OR3A2: variants seen among roughly 807,000 people sequenced by gnomAD.
OR3A2 encodes olfactory receptor family 3 subfamily A member 2, also known as olfactory receptor 3A2.
For synonymous variants in OR3A2, 126 were observed against 159.3 expected, an observed-to-expected ratio of 0.79 and a Z score of 1.57; for missense variants, 318 against 392.8, an observed-to-expected ratio of 0.81 and a Z score of 1.61.
chr17:3,375,814 C>G (rs2049678373), intron 2 of OR3A2, among the ~76,000 whole-genome samples: 1 of 152,188 alleles, frequency 6.6e-6, no homozygotes, highest in Non-Finnish European at 1.5e-5. Flanking sequence ...TGCTCTCCCC[C>G]TTCCCCTAGA....
chr17:3,365,273 G>A (rs760350441), intron 2 of OR3A2, among the ~76,000 whole-genome samples: 5 of 152,196 alleles, frequency 3.3e-5, no homozygotes, highest in Non-Finnish European at 5.9e-5. Flanking sequence ...ATACAACAGA[G>A]ATAAACATAA....
At chr17:3,363,937 TCAATATCATGAGAACAG>T (rs1348740457) in intron 2 of OR3A2, among the ~76,000 whole-genome samples, 4 of 152,082 alleles carry the variant, frequency 2.6e-5, no homozygotes, top group Non-Finnish European at 4.4e-5. Context: ...GAGAACTCAC[TCAATATCATGAGAACAG>T]CAAGGGGAAA....
intron 3 of OR3A2, among the ~76,000 whole-genome samples, chr17:3,293,912 T>C (rs2150623026): frequency 6.6e-6 from 1 of 152,106 alleles, no homozygotes; most frequent in African/African-American, 2.4e-5. Flanking sequence ...ACAATGAGAA[T>C]ACATGTACAC....
chr17:3,365,090 T>C (rs899192726), intron 2 of OR3A2, among the ~76,000 whole-genome samples: 1 of 152,148 alleles, frequency 6.6e-6, no homozygotes, highest in Non-Finnish European at 1.5e-5. Context: ...CCTTTGATCA[T>C]AACAAACTCC....
rs1567550578 is a variant in OR3A2 at position 3,311,073 on chromosome 17, T to C, written c.-85+24960A>G. Reference sequence around the variant, plus strand: ...CCACCTCACTGTGGTGGGCATCTTCTATGGGACGGGCGTCTTCAGCTACAC... The same window carrying C: ...CCACCTCACTGTGGTGGGCATCTTCCATGGGACGGGCGTCTTCAGCTACAC... On this transcript the variant is annotated intron_variant, in intron 3 of 4. Coordinates refer to the OR3A2 transcript ENST00000573491. This position sits in a 1 kb window ranked among gnomAD's most constrained non-coding sequence, Gnocchi z 4.6. The C allele has an allele frequency of 3.7e-6, 2 of 545,350 alleles. No individual in the cohort carries two copies. Among genetic ancestry groups the C allele is most frequent in the African/African-American group, 1.9e-5 (1 of 52,206 alleles). 33.8% of individuals were successfully genotyped at this position (545,350 alleles called of 1,614,324 possible). A position where few individuals can be genotyped will look rare whatever the true frequency, so the allele number is the denominator to read the frequency against.
intron 3 of OR3A2, among the ~76,000 whole-genome samples, chr17:3,320,420 T>G (rs1284444282): frequency 7.1e-6 from 1 of 141,680 alleles, no homozygotes; most frequent in Non-Finnish European, 1.5e-5. Context: ...TTGTTGCCAT[T>G]GCTTTTGGTG....
chr17:3,362,650 T>C (rs1271000460), intron 2 of OR3A2, among the ~76,000 whole-genome samples: 2 of 151,786 alleles, frequency 1.3e-5, no homozygotes, highest in African/African-American at 4.9e-5. Context: ...AGAACATCTT[T>C]ATTTCTGCCT....
upstream of OR3A2, among the ~76,000 whole-genome samples, chr17:3,287,718 T>C (rs951474913): frequency 5.3e-5 from 8 of 152,154 alleles, no homozygotes; most frequent in African/African-American, 7.2e-5. Flanking sequence ...CCATGTTTGA[T>C]AGGTAATTCT....
chr17:3,298,724 G>A (rs367576568), intron 3 of OR3A2, among the ~76,000 whole-genome samples: 79 of 152,312 alleles, frequency 5.2e-4, no homozygotes, highest in Non-Finnish European at 7.9e-4. Flanking sequence ...TCCTCACCTC[G>A]TTGTGGATAC....
Position 3,380,872 on chromosome 17 carries a change from G to T in OR3A2, c.-179+2932C>A, listed in dbSNP as rs77708020. Among the ~76,000 whole-genome samples the T allele has an allele frequency of 5.7e-3, 869 of 152,276 alleles. 44 individuals carry two copies. In the East Asian group the frequency reaches 0.12, roughly 21 times the overall value. On this transcript the variant is annotated intron_variant, in intron 2 of 4. Transcript: ENST00000573491. ...GTTGAGGCAGGCGGACTTGAGGCAA[G>T]AGAGAGCGAGAGGAAGGAGGGAACC...
At chr17:3,326,536 T>C (rs369544982) in intron 3 of OR3A2, among the ~76,000 whole-genome samples, 4 of 150,542 alleles carry the variant, frequency 2.7e-5, no homozygotes, top group African/African-American at 9.9e-5. Flanking sequence ...TAATTTCTTA[T>C]GCCTGTCTTT....
Position 3,328,872 on chromosome 17 carries a change from G to A in OR3A2, c.-85+7161C>T, listed in dbSNP as rs190085300. The stretch of plus-strand genomic sequence containing the variant: ...TGCTGGATTACATTTATTGATTTGC[G>A]AAAATACGTCCCATCAATACCTAAT... On this transcript the variant is annotated intron_variant, in intron 3 of 4. Coordinates refer to the OR3A2 transcript ENST00000573491. 5.4e-3 allele frequency among the ~76,000 whole-genome samples: 772 copies of A among 144,066 alleles called. 20 individuals are homozygous for A. The highest frequency in any genetic ancestry group is 7.8e-3 in the Non-Finnish European group (514 of 65,510). The allele number at this position is 144,066 out of a possible 152,430, so 94.5% of individuals were successfully genotyped here. A position where few individuals can be genotyped will look rare whatever the true frequency, so the allele number is the denominator to read the frequency against.
intron 3 of OR3A2, among the ~76,000 whole-genome samples, chr17:3,303,743 C>CAAAAAAA (rs71153338): frequency 1.9e-5 from 2 of 106,780 alleles, no homozygotes. Context: ...GACTTCATCT[C>CAAAAAAA]AAAAAAAAAA....
chr17:3,349,785 A>C lies in OR3A2; in HGVS notation c.-178-13659T>G, dbSNP rs377195428. On this transcript the variant is annotated intron_variant, in intron 2 of 4. Transcript: ENST00000573491. ...AAAATTGACCACATACTTGGAAGTA[A>C]AGCACTCCTCAGCAAATGTAAAAGA... Among the ~76,000 whole-genome samples the C allele has an allele frequency of 1.8e-3, 271 of 152,026 alleles. 3 individuals carry two copies. In the East Asian group the frequency reaches 0.034, roughly 19 times the overall value.
chr17:3,350,278 C>A (rs375614414), intron 2 of OR3A2, among the ~76,000 whole-genome samples: 17 of 151,818 alleles, frequency 1.1e-4, no homozygotes, highest in Admixed American at 3.3e-4. Flanking sequence ...AAATTGATAG[C>A]CTGCTAGCAA....
chr17:3,375,258 G>T (rs1361878904), intron 2 of OR3A2, among the ~76,000 whole-genome samples: 12 of 62,910 alleles, frequency 1.9e-4, no homozygotes, highest in Non-Finnish European at 2.9e-4. Flanking sequence ...CCCCCTTTTT[G>T]AGATAGTCTC....
chr17:3,379,553 C>G (rs1478152549), intron 2 of OR3A2, among the ~76,000 whole-genome samples: 2 of 152,164 alleles, frequency 1.3e-5, no homozygotes, highest in African/African-American at 4.8e-5. Context: ...TCTCCTCCCC[C>G]AGGTTCTGGG....
intron 2 of OR3A2, among the ~76,000 whole-genome samples, chr17:3,371,383 C>G (rs1427896468): frequency 6.7e-6 from 1 of 149,334 alleles, no homozygotes; most frequent in Non-Finnish European, 1.5e-5. Flanking sequence ...CTGACCCCCC[C>G]ACCTCCCTCC....
At chr17:3,331,974 G>A (rs916366396) in intron 3 of OR3A2, among the ~76,000 whole-genome samples, 7 of 150,596 alleles carry the variant, frequency 4.6e-5, no homozygotes, top group South Asian at 2.1e-4. Context: ...ATACCCTGCC[G>A]TGTGAGATGT....
Sources: allele counts gnomAD v4.1 joint callset (sites outside exome capture counted in the v4.1 genomes callset), GRCh38; gene constraint gnomAD v4.1.1; non-coding constraint Gnocchi (gnomAD v3.1); transcripts MANE v1.5; gene names NCBI Gene and HGNC (gene_info 2026-07-23, HGNC 2026-07-21).